PDE4B: variants seen among roughly 807,000 people sequenced by gnomAD.
PDE4B encodes 3',5'-cyclic-AMP phosphodiesterase 4B.
In PDE4B, 20 loss-of-function variants were observed where a neutral mutation model predicts 82.2. That is an observed-to-expected ratio of 0.24 (90% CI 0.17 to 0.35). PDE4B has a LOEUF of 0.35. PDE4B is among the 10% of genes least tolerant of loss of function. The pLI is 1.00. For synonymous variants in PDE4B, 320 were observed against 318.9 expected (o/e 1.00, Z -0.04); for missense variants, 655 against 907.2 (o/e 0.72, Z 3.57).
chr1:65,921,560 G>C (rs1230854896), intron 3 of PDE4B, among the ~76,000 whole-genome samples: 1 of 152,110 alleles, frequency 6.6e-6, no homozygotes, highest in Non-Finnish European at 1.5e-5. Flanking sequence ...TTCTCTAAAG[G>C]ACCAGATAGT....
Position 65,918,607 on chromosome 1 carries a change from A to T in PDE4B, c.53A>T (p.Asp18Val). ...CTGTGGTTCCTCCAGAATGTTAAAG[A>T]TTATTTTGAATGTAGCTTGAGTAAA... ...MTVMADDNVKDYFECSLSKSY... is the reference protein window; with the variant it reads ...MTVMADDNVKVYFECSLSKSY... Residue 18 changes from aspartate to valine, a missense_variant, in exon 3 of 17, where the codon GAT becomes GTT. Asp to Val is a radical substitution (Grantham distance 152). This residue lies in a region of PDE4B where 253 missense variants were observed against 275.6 expected (regional missense o/e 0.92). Coordinates refer to ENST00000341517, the MANE Select transcript of PDE4B (RefSeq NM_002600.4). 3 of 1,592,326 alleles carry T rather than the reference A, an allele frequency of 1.9e-6. No individual in the cohort carries two copies. The highest frequency in any genetic ancestry group is 2.6e-6 in the Non-Finnish European group (3 of 1,160,170).
At chr1:66,304,801 T>A (rs1197130269) in intron 7 of PDE4B, among the ~76,000 whole-genome samples, 1 of 152,156 alleles carries the variant, frequency 6.6e-6, no homozygotes, top group Non-Finnish European at 1.5e-5. Flanking sequence ...CTTTTAAAAC[T>A]ACTGCTATAG....
At chr1:66,315,138 A>G (rs1005285308) in intron 7 of PDE4B, among the ~76,000 whole-genome samples, 18 of 152,220 alleles carry the variant, frequency 1.2e-4, no homozygotes, top group Non-Finnish European at 4.4e-5. Flanking sequence ...TAACAAATCT[A>G]TCTCACAAGG....
chr1:65,917,532 G>A (rs148819272), intron 2 of PDE4B, among the ~76,000 whole-genome samples: 1 of 152,150 alleles, frequency 6.6e-6, no homozygotes, highest in Non-Finnish European at 1.5e-5. Context: ...CTTTTAGCTG[G>A]TATGAATGGT....
At chr1:65,870,003 T>G (rs1322312697) in intron 1 of PDE4B, among the ~76,000 whole-genome samples, 1 of 152,166 alleles carries the variant, frequency 6.6e-6, no homozygotes, top group Non-Finnish European at 1.5e-5. Flanking sequence ...TGGAAAGGGT[T>G]TGAGAACTAA....
chr1:66,282,686 G>A (rs1261324680), intron 7 of PDE4B, among the ~76,000 whole-genome samples: 1 of 152,184 alleles, frequency 6.6e-6, no homozygotes, highest in African/African-American at 2.4e-5. Flanking sequence ...AACCAGGTGT[G>A]TAACCAGAAG....
chr1:66,029,778 T>C (rs1432547031), intron 3 of PDE4B, among the ~76,000 whole-genome samples: 1 of 152,214 alleles, frequency 6.6e-6, no homozygotes, highest in African/African-American at 2.4e-5. Flanking sequence ...ATGAAATATT[T>C]TAAATACTGA....
chr1:66,195,607 T>C (rs1289057902), intron 3 of PDE4B, among the ~76,000 whole-genome samples: 2 of 152,192 alleles, frequency 1.3e-5, no homozygotes, highest in Non-Finnish European at 1.5e-5. Flanking sequence ...GCTATACAAG[T>C]AGGTCCTTGG....
At chr1:66,004,800 T>A (rs902360694) in intron 3 of PDE4B, among the ~76,000 whole-genome samples, 16 of 152,164 alleles carry the variant, frequency 1.1e-4, no homozygotes, top group Admixed American at 2.6e-4. Context: ...CTAGACATGT[T>A]TCCTGGCACC....
chr1:66,034,876 C>T (rs1653983827), intron 3 of PDE4B, among the ~76,000 whole-genome samples: 1 of 152,110 alleles, frequency 6.6e-6, no homozygotes, highest in Admixed American at 6.5e-5. Flanking sequence ...TGAACCAGTC[C>T]AACTTTGTTA....
intron 3 of PDE4B, among the ~76,000 whole-genome samples, chr1:66,052,124 C>G (rs997619758): frequency 6.6e-6 from 1 of 152,164 alleles, no homozygotes. Flanking sequence ...GCATGCTAAA[C>G]TTCAATTCAC....
At chr1:65,941,039 A>C (rs976229539) in intron 3 of PDE4B, among the ~76,000 whole-genome samples, 3 of 152,038 alleles carry the variant, frequency 2.0e-5, no homozygotes, top group Non-Finnish European at 4.4e-5. Context: ...ATAATGTTGC[A>C]GATAAAGTTA....
intron 1 of PDE4B, among the ~76,000 whole-genome samples, chr1:65,831,017 A>G (rs550803373): frequency 2.0e-5 from 3 of 152,204 alleles, no homozygotes; most frequent in Non-Finnish European, 4.4e-5. Flanking sequence ...AATTTGTGGG[A>G]TGCTACTAAA....
intron 3 of PDE4B, among the ~76,000 whole-genome samples, chr1:66,073,146 T>C (rs1656245184): frequency 2.0e-5 from 3 of 152,180 alleles, no homozygotes; most frequent in Admixed American, 1.3e-4. Context: ...GGACAGGGAT[T>C]GTGTCCTGCT....
At chr1:66,124,918 CGTGTGTGTGT>C (rs58795750) in intron 3 of PDE4B, among the ~76,000 whole-genome samples, 7 of 148,100 alleles carry the variant, frequency 4.7e-5, no homozygotes, top group South Asian at 4.3e-4. Flanking sequence ...TGTGTGTATG[CGTGTGTGTGT>C]GTGTGTGTGT....
At chr1:65,955,808 C>T (rs1458183221) in intron 3 of PDE4B, among the ~76,000 whole-genome samples, 3 of 152,114 alleles carry the variant, frequency 2.0e-5, no homozygotes, top group Admixed American at 6.6e-5. Context: ...CTCACGCTGG[C>T]CTCTGATTCT....
chr1:66,203,968 C>A (rs939706670), intron 3 of PDE4B, among the ~76,000 whole-genome samples: 1 of 152,124 alleles, frequency 6.6e-6, no homozygotes, highest in Non-Finnish European at 1.5e-5. Context: ...TTTTCCCCAT[C>A]TTTGTGGTTT....
chr1:65,822,830 T>C (rs2101250093), intron 1 of PDE4B, among the ~76,000 whole-genome samples: 2 of 152,258 alleles, frequency 1.3e-5, no homozygotes, highest in Admixed American at 1.3e-4. Context: ...GACTTCCCAA[T>C]CTCCAAAACT....
chr1:65,910,254 C>T (rs994836862), intron 1 of PDE4B, among the ~76,000 whole-genome samples: 3 of 152,192 alleles, frequency 2.0e-5, no homozygotes, highest in African/African-American at 7.2e-5. Context: ...AAAAGAATCT[C>T]CATTGTCATC....
Sources: gnomAD v4.1 joint callset for allele counts (sites outside exome capture counted in the v4.1 genomes callset) on GRCh38, gnomAD v4.1.1 for gene constraint, gnomAD v4.1.1 regional missense constraint, MANE v1.5 for transcripts, NCBI Gene and HGNC (gene_info 2026-07-23, HGNC 2026-07-21) for gene names.